Variants in STX8 observed in about 807,000 individuals in gnomAD.
STX8 encodes the protein syntaxin 8.
Under a neutral mutation model 37.5 loss-of-function variants are expected in STX8, and 23 were observed. The observed-to-expected ratio is 0.61, with a 90% confidence interval of 0.44 to 0.87. The LOEUF is 0.87. Among genes scored for constraint, STX8 ranks in the 40% least tolerant of loss-of-function variants. STX8 has a pLI of 0.00. For synonymous variants in STX8, 115 were observed against 99.1 expected, an observed-to-expected ratio of 1.16 and a Z score of -0.95; for missense variants, 313 against 284.7, an observed-to-expected ratio of 1.10 and a Z score of -0.71.
intron 6 of STX8, among the ~76,000 whole-genome samples, chr17:9,408,875 C>A (rs1013296316): frequency 1.3e-5 from 2 of 152,100 alleles, no homozygotes; most frequent in Non-Finnish European, 2.9e-5. Flanking sequence ...GGGTCCTATG[C>A]AGGTCCAGGA....
At chr17:9,335,277 C>T (rs999623733) in intron 7 of STX8, among the ~76,000 whole-genome samples, 2 of 152,196 alleles carry the variant, frequency 1.3e-5, no homozygotes, top group African/African-American at 2.4e-5. Flanking sequence ...GCTCCATCTG[C>T]AAGTCACACT....
intron 5 of STX8, among the ~76,000 whole-genome samples, chr17:9,497,901 A>G (rs988072292): frequency 2.6e-5 from 4 of 152,226 alleles, no homozygotes; most frequent in Non-Finnish European, 5.9e-5. Context: ...CTCTAGGTTT[A>G]CAAAAGAAAG....
At chr17:9,568,254 T>A (rs1425983760) in intron 2 of STX8, 117 bp downstream of exon 2, 1 of 703,848 alleles carries the variant, frequency 1.4e-6, no homozygotes, top group Non-Finnish European at 2.3e-6. Flanking sequence ...TCAACATATG[T>A]AAGCAGATAG....
chr17:9,397,441 A>T (rs1912442699), intron 6 of STX8, among the ~76,000 whole-genome samples: 1 of 152,174 alleles, frequency 6.6e-6, no homozygotes, highest in Admixed American at 6.5e-5. Context: ...CATGAATAGC[A>T]GATAGTGGGA....
chr17:9,292,991 C>G (rs1030289904), intron 7 of STX8, among the ~76,000 whole-genome samples: 6 of 152,168 alleles, frequency 3.9e-5, no homozygotes, highest in Non-Finnish European at 7.3e-5. Context: ...TAGAACAAAA[C>G]ATGAATATCC....
intron 7 of STX8, among the ~76,000 whole-genome samples, chr17:9,279,759 T>G (rs1350352024): frequency 1.3e-5 from 2 of 152,236 alleles, no homozygotes; most frequent in Non-Finnish European, 2.9e-5. Flanking sequence ...TGACCCCATC[T>G]GTTTTTTGGT....
At chr17:9,348,716 AC>A (rs2142241745) in intron 7 of STX8, among the ~76,000 whole-genome samples, 1 of 152,308 alleles carries the variant, frequency 6.6e-6, no homozygotes, top group East Asian at 1.9e-4. Flanking sequence ...ATTTCACCAC[AC>A]TGTGATAACT....
chr17:9,411,866 A>T (rs1597655120), intron 6 of STX8, among the ~76,000 whole-genome samples: 1 of 152,302 alleles, frequency 6.6e-6, no homozygotes, highest in East Asian at 1.9e-4. Flanking sequence ...AGTATATATA[A>T]TTTTTCAGAT....
intron 7 of STX8, among the ~76,000 whole-genome samples, chr17:9,342,281 C>T (rs1910386637): frequency 6.6e-6 from 1 of 152,152 alleles, no homozygotes; most frequent in Non-Finnish European, 1.5e-5. Flanking sequence ...CCTAAAAGGC[C>T]ACAGACCGGT....
intron 7 of STX8, among the ~76,000 whole-genome samples, chr17:9,371,692 TACCAAATATGTTC>T (rs1466947059): frequency 2.0e-5 from 3 of 152,134 alleles, no homozygotes; most frequent in African/African-American, 4.8e-5. Context: ...CTTCTGCTGA[TACCAAATATGTTC>T]ACTGGATTTT....
At chr17:9,378,389 C>T in intron 7 of STX8, 163 bp downstream of exon 7, 1 of 592,990 alleles carries the variant, frequency 1.7e-6, no homozygotes, top group Non-Finnish European at 3.0e-6. Flanking sequence ...TCATTTTGAC[C>T]AGATTTAACC....
At chr17:9,428,896 T>A (rs1276725868) in intron 6 of STX8, among the ~76,000 whole-genome samples, 3 of 152,130 alleles carry the variant, frequency 2.0e-5, no homozygotes, top group African/African-American at 7.2e-5. Context: ...ACCGGTCTAT[T>A]CAGAGGCTCT....
intron 6 of STX8, among the ~76,000 whole-genome samples, chr17:9,473,988 G>T (rs1392294816): frequency 6.6e-6 from 1 of 152,202 alleles, no homozygotes; most frequent in Non-Finnish European, 1.5e-5. Flanking sequence ...AACCCCCAGG[G>T]AGGGGAGGGA....
intron 3 of STX8, chr17:9,554,904 CAAAAAAAAAAA>C (rs34545907): frequency 1.8e-5 from 1 of 55,576 alleles, no homozygotes. Flanking sequence ...GACTCCATCT[CAAAAAAAAAAA>C]AAAAAAAAAA....
rs372172266 is a variant in STX8 at position 9,268,972 on chromosome 17, A to G, written c.644-18327T>C. On this transcript the variant is annotated intron_variant, in intron 7 of 7. Coordinates refer to ENST00000306357, the MANE Select transcript of STX8 (RefSeq NM_004853.3). ...GGAGGCTGAGGCGGGCGGATCATGA[A>G]GTCAGCAGATCGAGACCATCCTGGC... 7.7e-4 allele frequency among the ~76,000 whole-genome samples: 117 copies of G among 151,700 alleles called. 1 individual carries two copies. The highest frequency in any genetic ancestry group is 1.9e-3 in the South Asian group (9 of 4,804).
At chr17:9,529,345 A>C (rs748820195) in intron 4 of STX8, among the ~76,000 whole-genome samples, 8 of 152,200 alleles carry the variant, frequency 5.3e-5, no homozygotes, top group Non-Finnish European at 7.3e-5. Context: ...ATATGTATGT[A>C]TATAAATATA....
At chr17:9,321,518 T>C (rs1480258859) in intron 7 of STX8, among the ~76,000 whole-genome samples, 1 of 151,680 alleles carries the variant, frequency 6.6e-6, no homozygotes, top group Non-Finnish European at 1.5e-5. Flanking sequence ...ATAAATATAC[T>C]ACTTATTTAT....
chr17:9,261,625 AG>A (rs1191137831), intron 7 of STX8, among the ~76,000 whole-genome samples: 2 of 152,138 alleles, frequency 1.3e-5, no homozygotes, highest in Non-Finnish European at 2.9e-5. Flanking sequence ...TGTGTTCTTA[AG>A]GTGTTATTCA....
intron 7 of STX8, among the ~76,000 whole-genome samples, chr17:9,349,180 C>G (rs867742849): frequency 6.6e-6 from 1 of 151,824 alleles, no homozygotes; most frequent in Non-Finnish European, 1.5e-5. Context: ...TTAGTAGGGA[C>G]AGCATTTCAC....
Sources: allele counts gnomAD v4.1 joint callset (sites outside exome capture counted in the v4.1 genomes callset), GRCh38; gene constraint gnomAD v4.1.1; transcripts MANE v1.5; gene names NCBI Gene and HGNC (gene_info 2026-07-23, HGNC 2026-07-21).